Variants in SLCO6A1 observed in about 807,000 individuals in gnomAD.
The protein encoded by SLCO6A1 is solute carrier organic anion transporter family member 6A1.
In SLCO6A1, 65 loss-of-function variants were observed where a neutral mutation model predicts 72.7. That is an observed-to-expected ratio of 0.89 (90% CI 0.73 to 1.10). The LOEUF (loss-of-function observed/expected upper bound fraction) is 1.10. Ranked by LOEUF, SLCO6A1 falls within the 50% of genes least tolerant of loss-of-function variation. The probability of loss-of-function intolerance (pLI) is 0.00; values close to 1 mark genes in which losing one functional copy is unlikely to be tolerated. For synonymous variants in SLCO6A1, 314 were observed against 298.2 expected, an observed-to-expected ratio of 1.05 and a Z score of -0.55; for missense variants, 874 against 872.6, an observed-to-expected ratio of 1.00 and a Z score of -0.02.
chr5:102,487,971 A>G (rs2112851752), intron 1 of SLCO6A1, among the ~76,000 whole-genome samples: 1 of 152,378 alleles, frequency 6.6e-6, no homozygotes, highest in East Asian at 1.9e-4. Context: ...AATCCATCCC[A>G]GCTTGTTTAA....
chr5:102,413,905 T>C (rs1365459216), intron 8 of SLCO6A1, among the ~76,000 whole-genome samples: 3 of 152,152 alleles, frequency 2.0e-5, no homozygotes, highest in Non-Finnish European at 2.9e-5. Flanking sequence ...TCAAACTGTA[T>C]TTTTTATTAA....
intron 2 of SLCO6A1, among the ~76,000 whole-genome samples, chr5:102,478,470 AAAT>A (rs1295094032): frequency 6.6e-6 from 1 of 152,180 alleles, no homozygotes; most frequent in African/African-American, 2.4e-5. Context: ...CACTCTGATT[AAAT>A]AATTTCCCAT....
chr5:102,387,500 T>C (rs551449088), intron 12 of SLCO6A1, among the ~76,000 whole-genome samples: 1 of 152,064 alleles, frequency 6.6e-6, no homozygotes, highest in African/African-American at 2.4e-5. Flanking sequence ...ACATTTCTTA[T>C]TTTTGTTGAA....
At chr5:102,439,336 TTATC>T (rs1749713167) in intron 6 of SLCO6A1, among the ~76,000 whole-genome samples, 1 of 152,106 alleles carries the variant, frequency 6.6e-6, no homozygotes, top group Admixed American at 6.6e-5. Flanking sequence ...TGGTTTATTA[TTATC>T]TAATATACTA....
chr5:102,423,901 A>C (rs1003711592), intron 7 of SLCO6A1, among the ~76,000 whole-genome samples: 7 of 152,210 alleles, frequency 4.6e-5, no homozygotes, highest in Non-Finnish European at 7.3e-5. Context: ...AATGCAAAAG[A>C]ATGGAAATCA....
At chr5:102,494,598 AGG>A (rs1752827564) in intron 1 of SLCO6A1, among the ~76,000 whole-genome samples, 1 of 152,224 alleles carries the variant, frequency 6.6e-6, no homozygotes, top group Non-Finnish European at 1.5e-5. Flanking sequence ...AATTTATTAA[AGG>A]GCACTTCACA....
At chr5:102,452,261 C>G (rs1307206548) in intron 6 of SLCO6A1, among the ~76,000 whole-genome samples, 1 of 152,186 alleles carries the variant, frequency 6.6e-6, no homozygotes, top group Non-Finnish European at 1.5e-5. Context: ...TTAGAGGGAG[C>G]TTTTCCTCTA....
intron 6 of SLCO6A1, among the ~76,000 whole-genome samples, chr5:102,449,161 T>A (rs927625862): frequency 6.6e-6 from 1 of 152,192 alleles, no homozygotes; most frequent in South Asian, 2.1e-4. Context: ...GGTTCTAATT[T>A]CTTTTCTTTA....
At chr5:102,497,837 AAG>A (rs1484610101) in intron 1 of SLCO6A1, among the ~76,000 whole-genome samples, 1 of 152,178 alleles carries the variant, frequency 6.6e-6, no homozygotes, top group Non-Finnish European at 1.5e-5. Context: ...AATTATCTAC[AAG>A]ATTAGAAATT....
At chr5:102,405,175 C>G (rs975676395) in intron 9 of SLCO6A1, among the ~76,000 whole-genome samples, 5 of 151,688 alleles carry the variant, frequency 3.3e-5, no homozygotes, top group Non-Finnish European at 7.4e-5. Context: ...CTAAAATATG[C>G]AAAAAGTAAC....
chr5:102,411,227 GTGTGTGTGTGTT>G (rs902347504), intron 9 of SLCO6A1, among the ~76,000 whole-genome samples: 2 of 151,016 alleles, frequency 1.3e-5, no homozygotes, highest in African/African-American at 4.9e-5. Context: ...ATATATATAT[GTGTGTGTGTGTT>G]TGTGTGTGTA....
chr5:102,423,267 A>G (rs1748707736), intron 7 of SLCO6A1, among the ~76,000 whole-genome samples: 1 of 152,226 alleles, frequency 6.6e-6, no homozygotes, highest in Admixed American at 6.5e-5. Context: ...AAATTCGCAC[A>G]TAACAATATT....
At chr5:102,483,048 G>A (rs1726731469) in intron 1 of SLCO6A1, among the ~76,000 whole-genome samples, 1 of 152,124 alleles carries the variant, frequency 6.6e-6, no homozygotes, top group South Asian at 2.1e-4. Flanking sequence ...CTCCATCCTT[G>A]ATGTAATTGT....
At chr5:102,449,161 T>C (rs927625862) in intron 6 of SLCO6A1, among the ~76,000 whole-genome samples, 1 of 152,192 alleles carries the variant, frequency 6.6e-6, no homozygotes, top group African/African-American at 2.4e-5. Flanking sequence ...GGTTCTAATT[T>C]CTTTTCTTTA....
intron 7 of SLCO6A1, among the ~76,000 whole-genome samples, chr5:102,430,378 G>C (rs1749148573): frequency 6.6e-6 from 1 of 150,836 alleles, no homozygotes; most frequent in African/African-American, 2.4e-5. Context: ...CCTTGTTCTG[G>C]TTTTCAAGGG....
chr5:102,372,105 C>T lies in SLCO6A1; in HGVS notation c.*34G>A, dbSNP rs1020395237. On this transcript the variant is annotated 3_prime_UTR_variant, in exon 14 of 14. Transcript: ENST00000506729. ...GAGAAACTCGTTTTCACACTCTGAT[C>T]CTCAAATGATCTGCAATCCTGCTGG... 2.0e-5 allele frequency: 3 copies of T among 152,004 alleles called. No individual in the cohort carries two copies. The highest frequency in any genetic ancestry group is 4.4e-5 in the Non-Finnish European group (3 of 67,920). The allele number at this position is 152,004 out of a possible 1,614,324, so 9.4% of individuals were successfully genotyped here. A position where few individuals can be genotyped will look rare whatever the true frequency, so the allele number is the denominator to read the frequency against.
At chr5:102,464,379 G>T (rs778443230) in intron 4 of SLCO6A1, among the ~76,000 whole-genome samples, 17 of 151,892 alleles carry the variant, frequency 1.1e-4, no homozygotes, top group Non-Finnish European at 2.4e-4. Flanking sequence ...AATAAGTGAA[G>T]AATTTTTATA....
In SLCO6A1 at chr5:102,412,976, T is replaced by TA; in HGVS notation, c.1626+13dup. The TA allele has an allele frequency of 2.5e-6, 3 of 1,184,630 alleles. No individual in the cohort carries two copies. Among genetic ancestry groups the TA allele is most frequent in the Non-Finnish European group, 3.3e-6 (3 of 907,010 alleles). The allele number at this position is 1,184,630 out of a possible 1,614,324, so 73.4% of individuals were successfully genotyped here. A position where few individuals can be genotyped will look rare whatever the true frequency, so the allele number is the denominator to read the frequency against. ...AATGTATAACAAAACATAATAATTA[T>TA]AAAAAATAATTACCTTTTTTTGGTT... On this transcript the variant is annotated intron_variant, in intron 9 of 13. Transcript: ENST00000506729.
intron 6 of SLCO6A1, among the ~76,000 whole-genome samples, chr5:102,441,447 T>C (rs922843836): frequency 6.6e-5 from 10 of 152,188 alleles, no homozygotes; most frequent in Admixed American, 3.9e-4. Context: ...ATCAAGGAAA[T>C]GCTACACTGT....
Sources: gnomAD v4.1 joint callset for allele counts (sites outside exome capture counted in the v4.1 genomes callset) on GRCh38, gnomAD v4.1.1 for gene constraint, MANE v1.5 for transcripts, NCBI Gene and HGNC (gene_info 2026-07-23, HGNC 2026-07-21) for gene names.